The following PRKCA variants were observed in gnomAD, a reference collection of about 807,000 sequenced individuals.
PRKCA encodes protein kinase C alpha type.
In PRKCA, 27 loss-of-function variants were observed where a neutral mutation model predicts 87.0. The ratio of observed to expected loss-of-function variants is 0.31; its 90% CI spans 0.23 to 0.43. The LOEUF is 0.43. PRKCA is among the 20% of genes least tolerant of loss of function. PRKCA has a pLI of 1.00. For synonymous variants in PRKCA, 329 were observed against 311.1 expected, an observed-to-expected ratio of 1.06 and a Z score of -0.61; for missense variants, 518 against 852.3, an observed-to-expected ratio of 0.61 and a Z score of 4.88.
chr17:66,767,151 A>G (rs1007247022), intron 13 of PRKCA, among the ~76,000 whole-genome samples: 26 of 152,294 alleles, frequency 1.7e-4, no homozygotes, highest in Admixed American at 1.6e-3. Flanking sequence ...TAGAGAACCT[A>G]TTTTCTCCCT....
chr17:66,681,651 C>T lies in PRKCA; in HGVS notation c.530-5460C>T, dbSNP rs150208611. ...CCCTGTTTTACAGATGAATAAACTG[C>T]GAAGTTGGGTAATTTATCCAAAGCC... On this transcript the variant is annotated intron_variant, in intron 5 of 16. Coordinates refer to ENST00000413366, the MANE Select transcript of PRKCA (RefSeq NM_002737.3). 1.6e-3 allele frequency among the ~76,000 whole-genome samples: 236 copies of T among 152,252 alleles called. 1 individual carries two copies. The highest frequency in any genetic ancestry group is 5.3e-3 in the African/African-American group (221 of 41,538).
At chr17:66,783,151 A>G (rs977017977) in intron 14 of PRKCA, among the ~76,000 whole-genome samples, 1 of 152,180 alleles carries the variant, frequency 6.6e-6, no homozygotes, top group African/African-American at 2.4e-5. Context: ...GCTGGAATGC[A>G]CAGGCTCTGT....
intron 2 of PRKCA, among the ~76,000 whole-genome samples, chr17:66,375,924 G>A (rs1909391901): frequency 6.6e-6 from 1 of 152,154 alleles, no homozygotes; most frequent in Non-Finnish European, 1.5e-5. Flanking sequence ...CTAACATGCT[G>A]AGCTGTGAAG....
rs182772338 is a variant in PRKCA, at chr17:66,607,116, A to G, written c.289-34239A>G. Among the ~76,000 whole-genome samples, 1,350 of 152,370 alleles carry G rather than the reference A, an allele frequency of 8.9e-3. 7 individuals are homozygous for G. Among genetic ancestry groups the G allele is most frequent in the Non-Finnish European group, 0.015 (1,016 of 68,036 alleles). ...TTCTAAGAGTTATGCTTCCTAGAAT[A>G]TTAAGTTTTTGCAGATTATTTCAAT... On this transcript the variant is annotated intron_variant, in intron 3 of 16. Coordinates refer to ENST00000413366, the MANE Select transcript of PRKCA (RefSeq NM_002737.3).
At chr17:66,729,956 A>G (rs1973847406) in intron 8 of PRKCA, among the ~76,000 whole-genome samples, 5 of 151,786 alleles carry the variant, frequency 3.3e-5, no homozygotes, top group South Asian at 4.2e-4. Flanking sequence ...ATGCCCAGCT[A>G]ATTTTTGTAT....
intron 2 of PRKCA, among the ~76,000 whole-genome samples, chr17:66,448,513 T>C (rs929306555): frequency 1.3e-5 from 2 of 152,190 alleles, no homozygotes; most frequent in Admixed American, 1.3e-4. Context: ...TCCAAAGGCT[T>C]TTAAACTTTA....
At chr17:66,394,336 G>A (rs1041067320) in intron 2 of PRKCA, among the ~76,000 whole-genome samples, 1 of 152,226 alleles carries the variant, frequency 6.6e-6, no homozygotes, top group Non-Finnish European at 1.5e-5. Flanking sequence ...GTGTGCTTGG[G>A]CACAGTTAGG....
At chr17:66,641,501 C>G in intron 4 of PRKCA, 35 bp downstream of exon 4, 1 of 1,494,250 alleles carries the variant, frequency 6.7e-7, no homozygotes, top group Non-Finnish European at 9.3e-7. Context: ...CATAGCGAGG[C>G]TCTGTAGCTC....
intron 4 of PRKCA, among the ~76,000 whole-genome samples, chr17:66,644,483 G>A (rs560535257): frequency 9.3e-4 from 141 of 152,092 alleles, no homozygotes; most frequent in South Asian, 1.7e-3. Context: ...GTTTGTTTCC[G>A]GCACACAGGA....
At chr17:66,630,279 T>C (rs1970975774) in intron 3 of PRKCA, among the ~76,000 whole-genome samples, 1 of 152,222 alleles carries the variant, frequency 6.6e-6, no homozygotes, top group Admixed American at 6.5e-5. Flanking sequence ...TTTAAGTATA[T>C]GTGTAAGTAT....
chr17:66,395,753 A>G (rs1257623588), intron 2 of PRKCA, among the ~76,000 whole-genome samples: 1 of 152,198 alleles, frequency 6.6e-6, no homozygotes, highest in East Asian at 1.9e-4. Flanking sequence ...GTGCACGCTG[A>G]ATGGGATTCT....
At chr17:66,478,481 T>A (rs1003407588) in intron 2 of PRKCA, among the ~76,000 whole-genome samples, 1 of 152,154 alleles carries the variant, frequency 6.6e-6, no homozygotes, top group African/African-American at 2.4e-5. Context: ...CTTGAACTCC[T>A]GACCTCAGGT....
At chr17:66,314,726 G>A (rs1249477281) in intron 2 of PRKCA, among the ~76,000 whole-genome samples, 1 of 152,152 alleles carries the variant, frequency 6.6e-6, no homozygotes, top group African/African-American at 2.4e-5. Flanking sequence ...GAGGGGATGG[G>A]TCAATGAGGG....
intron 3 of PRKCA, among the ~76,000 whole-genome samples, chr17:66,603,567 C>G (rs1438833543): frequency 2.0e-5 from 3 of 152,104 alleles, no homozygotes; most frequent in Non-Finnish European, 2.9e-5. Flanking sequence ...CCCTTCTATG[C>G]CTTTTTCTCT....
intron 2 of PRKCA, among the ~76,000 whole-genome samples, chr17:66,446,238 AACAC>A (rs202026912): frequency 1.7e-4 from 26 of 150,790 alleles, no homozygotes; most frequent in East Asian, 5.9e-4. Flanking sequence ...CTCTCTTCCC[AACAC>A]ACACACACAC....
intron 5 of PRKCA, among the ~76,000 whole-genome samples, chr17:66,653,852 T>C (rs370913313): frequency 1.3e-5 from 2 of 150,432 alleles, no homozygotes; most frequent in South Asian, 4.2e-4. Context: ...GAGAAACTAC[T>C]TCCTTTAGTT....
chr17:66,587,618 A>C (rs556260181), intron 3 of PRKCA, among the ~76,000 whole-genome samples: 1 of 148,408 alleles, frequency 6.7e-6, no homozygotes, highest in Non-Finnish European at 1.5e-5. Flanking sequence ...GATTGATTAG[A>C]TAGATATAGA....
intron 3 of PRKCA, among the ~76,000 whole-genome samples, chr17:66,638,705 A>AG (rs1971210466): frequency 6.6e-6 from 1 of 152,138 alleles, no homozygotes; most frequent in Non-Finnish European, 1.5e-5. Flanking sequence ...AAAATTAGCC[A>AG]GGCGTGGTAG....
intron 5 of PRKCA, among the ~76,000 whole-genome samples, chr17:66,682,538 A>G (rs1429160030): frequency 6.6e-6 from 1 of 152,268 alleles, no homozygotes; most frequent in Non-Finnish European, 1.5e-5. Flanking sequence ...CCATTTGGGC[A>G]GACCTCGGGG....
Sources: gnomAD v4.1 joint callset for allele counts (sites outside exome capture counted in the v4.1 genomes callset) on GRCh38, gnomAD v4.1.1 for gene constraint, MANE v1.5 for transcripts, NCBI Gene and HGNC (gene_info 2026-07-23, HGNC 2026-07-21) for gene names.